The following MTERF4 variants were observed in gnomAD, a reference collection of about 807,000 sequenced individuals.
MTERF4 encodes transcription termination factor 4, mitochondrial.
MTERF4 carries 17 observed loss-of-function variants against 22.5 expected under a neutral mutation model. The observed-to-expected ratio is 0.75, with a 90% CI of 0.52 to 1.13. The LOEUF is 1.13. Ranked by LOEUF, MTERF4 falls within the 50% of genes most tolerant of loss-of-function variation. The probability of loss-of-function intolerance (pLI) is 0.00; values close to 1 mark genes in which losing one functional copy is unlikely to be tolerated. For synonymous variants in MTERF4, 165 were observed against 175.3 expected, an observed-to-expected ratio of 0.94 and a Z score of 0.47; for missense variants, 420 against 466.8, an observed-to-expected ratio of 0.90 and a Z score of 0.92.
At chr2:241,094,945 C>G (rs887504432), downstream of MTERF4, 1 of 152,406 alleles carries the variant, frequency 6.6e-6, no homozygotes, top group Non-Finnish European at 1.5e-5. This position sits in a 1 kb window ranked among gnomAD's most constrained non-coding sequence, Gnocchi z 4.3. Context: ...AGAGCTCATG[C>G]CATCAGAGAC....
chr2:241,067,744 G>T (rs569150625), downstream of MTERF4: 49 of 1,587,644 alleles, frequency 3.1e-5, no homozygotes, highest in East Asian at 9.3e-4. Context: ...GGCACCTGCT[G>T]AACAGTCCAT....
Position 241,073,544 on chromosome 2 carries a change from G to A in MTERF4, n.2618C>T. ...GATGGGGTGAAGCTACACCACCCAAGCAGTGGGACCCCACAGACGGGAACA... is the reference window on the plus strand; with the variant it reads ...GATGGGGTGAAGCTACACCACCCAAACAGTGGGACCCCACAGACGGGAACA... On this transcript the variant is annotated non_coding_transcript_exon_variant, in exon 5 of 5. Coordinates refer to the MTERF4 transcript ENST00000464344. The surrounding 1 kb of genome is among the most constrained non-coding windows in gnomAD (Gnocchi z 6.6). 1 of 646,776 alleles carries A rather than the reference G, an allele frequency of 1.5e-6. No homozygotes were observed. Among genetic ancestry groups the A allele is most frequent in the Non-Finnish European group, 2.8e-6 (1 of 352,264 alleles). 40.1% of individuals were successfully genotyped at this position (646,776 alleles called of 1,614,324 possible).
At chr2:241,088,257 A>C, downstream of MTERF4, 1 of 796,216 alleles carries the variant, frequency 1.3e-6, no homozygotes. Flanking sequence ...CGTGGAATGT[A>C]TGTGAGCTAA....
rs1351857358 is a variant in MTERF4 at position 241,096,347 on chromosome 2, A to G, written c.797T>C (p.Ile266Thr). ...YSLTKIKQRH[I>T]YLERLGRYQT... ...GTACCGTCCCAGGCGCTCCAGGTAA[A>G]TGTGTCTCTGCTTAATCTTGGTTAG... Residue 266 changes from isoleucine (I) to threonine (T), a missense_variant, in exon 4 of 4, where the codon ATT becomes ACT. Physicochemically the swap from Ile to Thr is moderately conservative, Grantham distance 89. Coordinates refer to ENST00000391980, the MANE Select transcript of MTERF4 (RefSeq NM_182501.4). The surrounding 1 kb of genome is among the most constrained non-coding windows in gnomAD (Gnocchi z 5.1). 4 of 1,613,990 alleles carry G rather than the reference A, an allele frequency of 2.5e-6. No homozygotes were observed. The highest frequency in any genetic ancestry group is 3.4e-6 in the Non-Finnish European group (4 of 1,180,034).
At chr2:241,060,187 CT>C in the MTERF4 span, among the ~76,000 whole-genome samples, 555 of 144,470 alleles carry the variant, frequency 3.8e-3, 3 homozygotes, top group Middle Eastern at 0.014. Flanking sequence ...AAACTATAAA[CT>C]TTTTTTTTTT....
At chr2:241,094,760 A>G (rs1339956438), downstream of MTERF4, 3 of 171,422 alleles carry the variant, frequency 1.8e-5, no homozygotes, top group African/African-American at 7.2e-5. This position sits in a 1 kb window ranked among gnomAD's most constrained non-coding sequence, Gnocchi z 4.3. Context: ...TCTACCCACT[A>G]GAATCCTACA....
the MTERF4 span, among the ~76,000 whole-genome samples, chr2:241,050,667 AGAAGACCCC>A: frequency 6.6e-6 from 1 of 152,154 alleles, no homozygotes; most frequent in Non-Finnish European, 1.5e-5. Context: ...GTTTCCAAAG[AGAAGACCCC>A]AACTGCTTGG....
the MTERF4 span, chr2:241,050,047 T>A: frequency 1.3e-6 from 1 of 786,526 alleles, no homozygotes. Flanking sequence ...TGACCTCGTC[T>A]AGAGCCTTGC....
At chr2:241,085,143 G>A (rs779824166), downstream of MTERF4, among the ~76,000 whole-genome samples, 25 of 151,272 alleles carry the variant, frequency 1.7e-4, no homozygotes, top group Non-Finnish European at 3.2e-4. Flanking sequence ...TGTATTTCTG[G>A]GTTTTAATTT....
chr2:241,069,816 C>G (rs1459098700), downstream of MTERF4: 5 of 1,347,916 alleles, frequency 3.7e-6, no homozygotes, highest in East Asian at 1.2e-4. This position sits in a 1 kb window ranked among gnomAD's most constrained non-coding sequence, Gnocchi z 4.9. Flanking sequence ...AAGAATCTGG[C>G]TTCCAGCAAG....
the MTERF4 span, chr2:241,053,133 C>T: frequency 2.5e-6 from 4 of 1,602,030 alleles, no homozygotes. Context: ...CCGTGCGAGA[C>T]AGGCTGCCGT....
the MTERF4 span, among the ~76,000 whole-genome samples, chr2:241,057,412 T>TATATATGC: frequency 9.4e-4 from 122 of 129,374 alleles, no homozygotes; most frequent in African/African-American, 3.4e-3. Context: ...TATATATATA[T>TATATATGC]GCCATACGCA....
chr2:241,101,935 C>G (rs563344189), intron 1 of MTERF4, among the ~76,000 whole-genome samples: 1 of 152,242 alleles, frequency 6.6e-6, no homozygotes, highest in East Asian at 1.9e-4. Context: ...CGCCTGTAAT[C>G]CCAGCTACTT....
At position 241,095,645 on chromosome 2, in the gene MTERF4, A is replaced by G. The variant is rs1559335048; in HGVS notation, c.*353T>C. On this transcript the variant is annotated 3_prime_UTR_variant, in exon 4 of 4. Transcript: ENST00000391980. ...TTCCTGAACCGGAAGAATGAACCCC[A>G]TCTTCCAACTGTCACGGAATTATCA... 4.3e-6 allele frequency: 1 copy of G among 234,884 alleles called. No individual in the cohort carries two copies. Among genetic ancestry groups the G allele is most frequent in the African/African-American group, 2.3e-5 (1 of 44,000 alleles). 14.5% of individuals were successfully genotyped at this position (234,884 alleles called of 1,614,324 possible).
chr2:241,072,042 C>G (rs185219816), downstream of MTERF4: 1,281 of 725,792 alleles, frequency 1.8e-3, 9 homozygotes, highest in African/African-American at 0.019. Flanking sequence ...GGCTCGTGGG[C>G]CGCCGGCAGC....
chr2:241,047,146 CAAAAAAAAAAA>C, the MTERF4 span, among the ~76,000 whole-genome samples: 19 of 68,178 alleles, frequency 2.8e-4, no homozygotes, highest in Admixed American at 2.0e-3. Flanking sequence ...GAGACTCTGT[CAAAAAAAAAAA>C]AAAAAAAAAA....
intron 1 of MTERF4, chr2:241,101,096 A>G: frequency 2.2e-6 from 1 of 454,612 alleles, no homozygotes; most frequent in Non-Finnish European, 4.7e-6. Context: ...AGCATATTAC[A>G]TTTGTTGTGC....
At chr2:241,091,021 G>A (rs1031647746), downstream of MTERF4, among the ~76,000 whole-genome samples, 1 of 152,320 alleles carries the variant, frequency 6.6e-6, no homozygotes, top group African/African-American at 2.4e-5. This position sits in a 1 kb window ranked among gnomAD's most constrained non-coding sequence, Gnocchi z 4.1. Flanking sequence ...ATTTGGGTTT[G>A]AGATATTTAT....
chr2:241,061,275 TATTTC>T, the MTERF4 span, among the ~76,000 whole-genome samples: 1 of 152,232 alleles, frequency 6.6e-6, no homozygotes, highest in Non-Finnish European at 1.5e-5. Context: ...AGAAATATTC[TATTTC>T]ATTAGTAATC....
Sources: gnomAD v4.1 joint callset for allele counts (sites outside exome capture counted in the v4.1 genomes callset) on GRCh38, gnomAD v4.1.1 for gene constraint, Gnocchi (gnomAD v3.1) non-coding constraint, MANE v1.5 for transcripts, NCBI Gene and HGNC (gene_info 2026-07-23, HGNC 2026-07-21) for gene names.